Variants in PRH1 observed in about 807,000 individuals in gnomAD.
PRH1 encodes the protein proline rich protein HaeIII subfamily 1, also known as salivary acidic proline-rich phosphoprotein 1/2.
PRH1 carries 7 observed loss-of-function variants against 7.9 expected under a neutral mutation model. The ratio of observed to expected loss-of-function variants is 0.89; its 90% confidence interval spans 0.50 to 1.67. The LOEUF is 1.67. Among genes scored for constraint, PRH1 ranks in the 40% most tolerant of loss-of-function variants. The pLI, the probability that PRH1 is intolerant of heterozygous loss-of-function variation, is 0.00. For missense variants in PRH1, 109 were observed against 223.6 expected (o/e 0.49, Z 3.27); for synonymous variants, 45 against 80.8 (o/e 0.56, Z 2.38).
In PRH1 at chr12:11,093,647, A is replaced by T. The variant is rs74062435; in HGVS notation, n.124-46459T>A. ...TTTTATAACAATTCCTGAGTACCAG[A>T]CCCTTTGATATAGAATCCTGCAGTA... On this transcript the variant is annotated intron_variant and non_coding_transcript_variant, in intron 1 of 4. Coordinates refer to the PRH1 transcript ENST00000541977. Among the ~76,000 whole-genome samples the T allele has an allele frequency of 3.6e-3, 420 of 115,774 alleles. 100 individuals carry two copies. Among genetic ancestry groups the T allele is most frequent in the African/African-American group, 0.012 (402 of 34,566 alleles). 76.0% of individuals were successfully genotyped at this position (115,774 alleles called of 152,430 possible). A position where few individuals can be genotyped will look rare whatever the true frequency, so the allele number is the denominator to read the frequency against.
At chr12:10,950,506 T>C (rs1271968644) in intron 2 of PRH1, among the ~76,000 whole-genome samples, 4 of 151,848 alleles carry the variant, frequency 2.6e-5, no homozygotes, top group African/African-American at 9.7e-5. Flanking sequence ...CTTTTTTCAT[T>C]CTACGACTCT....
chr12:11,038,826 T>C (rs565047269), intron 1 of PRH1, among the ~76,000 whole-genome samples: 49 of 138,244 alleles, frequency 3.5e-4, no homozygotes, highest in South Asian at 2.3e-3. Context: ...GATAATGCCA[T>C]ACTCGGCCGA....
chr12:10,938,898 C>T, intron 2 of PRH1: 6 of 1,613,800 alleles, frequency 3.7e-6, no homozygotes, highest in Non-Finnish European at 5.1e-6. Flanking sequence ...TAAAAAGTAC[C>T]GAGGCCTGTA....
At chr12:11,014,333 G>A (rs1483633349) in intron 1 of PRH1, among the ~76,000 whole-genome samples, 2 of 152,166 alleles carry the variant, frequency 1.3e-5, no homozygotes, top group Non-Finnish European at 2.9e-5. Context: ...AAAATCAGGA[G>A]AGGGCAGCAT....
intron 2 of PRH1, among the ~76,000 whole-genome samples, chr12:10,944,504 C>T (rs1950455037): frequency 6.6e-6 from 1 of 152,054 alleles, no homozygotes; most frequent in African/African-American, 2.4e-5. Flanking sequence ...AATATGTCAA[C>T]TGCAAACAGT....
chr12:11,006,439 A>G (rs1940838232), intron 1 of PRH1, among the ~76,000 whole-genome samples: 1 of 149,228 alleles, frequency 6.7e-6, no homozygotes, highest in East Asian at 2.0e-4. Flanking sequence ...CAGTGGCACA[A>G]TCATACCTCG....
intron 1 of PRH1, among the ~76,000 whole-genome samples, chr12:11,114,887 G>T (rs1300883226): frequency 6.6e-6 from 1 of 151,898 alleles, no homozygotes; most frequent in Admixed American, 6.6e-5. Flanking sequence ...AAACCAAAAA[G>T]CATAGAATGG....
At chr12:11,066,087 G>C (rs1356498408) in intron 1 of PRH1, among the ~76,000 whole-genome samples, 1 of 152,154 alleles carries the variant, frequency 6.6e-6, no homozygotes, top group African/African-American at 2.4e-5. Context: ...AAAGATCAAA[G>C]AGTAAAACAG....
chr12:11,058,524 T>C (rs1448928390), intron 1 of PRH1, among the ~76,000 whole-genome samples: 1 of 152,296 alleles, frequency 6.6e-6, no homozygotes. Flanking sequence ...AGCCAACATA[T>C]TCCACATTTG....
chr12:10,881,643 G>C (rs541644013), intron 3 of PRH1, among the ~76,000 whole-genome samples: 1 of 152,188 alleles, frequency 6.6e-6, no homozygotes, highest in Non-Finnish European at 1.5e-5. Context: ...AGATTCCAAA[G>C]AGTAAAAGGT....
At chr12:10,900,882 G>A (rs1181905938) in intron 2 of PRH1, among the ~76,000 whole-genome samples, 2 of 152,126 alleles carry the variant, frequency 1.3e-5, no homozygotes, top group East Asian at 3.9e-4. Context: ...TGCTAGCAAG[G>A]TTCAGCACCC....
chr12:11,085,189 A>G (rs201754322), intron 1 of PRH1, among the ~76,000 whole-genome samples: 40,985 of 92,964 alleles, frequency 0.44, 8,035 homozygotes, highest in Non-Finnish European at 0.55. Flanking sequence ...TGTTATGAAC[A>G]AGTATAATTA....
intron 1 of PRH1, among the ~76,000 whole-genome samples, chr12:11,017,657 T>G (rs532312729): frequency 6.6e-6 from 1 of 152,092 alleles, no homozygotes; most frequent in East Asian, 1.9e-4. Context: ...GCTAAATTTT[T>G]TTGTATTTTT....
intron 1 of PRH1, among the ~76,000 whole-genome samples, chr12:11,023,263 C>T (rs1015544513): frequency 6.6e-6 from 1 of 151,052 alleles, no homozygotes; most frequent in East Asian, 2.0e-4. Flanking sequence ...ACCCTTAGGG[C>T]ATGGAAGGAA....
At chr12:11,078,874 A>G in intron 1 of PRH1, 1 of 152,068 alleles carries the variant, frequency 6.6e-6, no homozygotes, top group Non-Finnish European at 1.5e-5. Context: ...TAACCAATAA[A>G]TTGATATGAC....
At chr12:11,102,764 A>G (rs1945294555) in intron 1 of PRH1, among the ~76,000 whole-genome samples, 1 of 152,096 alleles carries the variant, frequency 6.6e-6, no homozygotes, top group Non-Finnish European at 1.5e-5. Flanking sequence ...CAACCTACAG[A>G]AGGAGAAAAT....
intron 2 of PRH1, among the ~76,000 whole-genome samples, chr12:10,936,524 G>C (rs1003788416): frequency 6.6e-6 from 1 of 152,094 alleles, no homozygotes; most frequent in Non-Finnish European, 1.5e-5. Context: ...AACATATATA[G>C]TACCCCCAAA....
intron 2 of PRH1, among the ~76,000 whole-genome samples, chr12:10,935,719 G>C (rs1221032702): frequency 6.6e-6 from 1 of 152,086 alleles, no homozygotes; most frequent in African/African-American, 2.4e-5. Context: ...CAACACGGTG[G>C]AGTTAAATCC....
intron 2 of PRH1, chr12:10,908,672 G>A: frequency 6.2e-7 from 1 of 1,613,886 alleles, no homozygotes; most frequent in South Asian, 1.1e-5. Flanking sequence ...GCATTTTCTG[G>A]AGATGTTTCT....
Sources: gnomAD v4.1 joint callset for allele counts (sites outside exome capture counted in the v4.1 genomes callset) on GRCh38, gnomAD v4.1.1 for gene constraint, MANE v1.5 for transcripts, NCBI Gene and HGNC (gene_info 2026-07-23, HGNC 2026-07-21) for gene names.